KIAA1755: variants seen among roughly 807,000 people sequenced by gnomAD.
KIAA1755 encodes the protein KIAA1755.
KIAA1755 carries 68 observed loss-of-function variants against 91.7 expected under a neutral mutation model. The ratio of observed to expected loss-of-function variants is 0.74; its 90% CI spans 0.61 to 0.91. KIAA1755 has a LOEUF of 0.91. Ranked by LOEUF, KIAA1755 falls within the 40% of genes least tolerant of loss-of-function variation. The probability of loss-of-function intolerance (pLI) is 0.00; values close to 1 mark genes in which losing one functional copy is unlikely to be tolerated. For missense variants in KIAA1755, 1,535 were observed against 1,494.4 expected, an observed-to-expected ratio of 1.03 and a Z score of -0.45; for synonymous variants, 610 against 604.6, an observed-to-expected ratio of 1.01 and a Z score of -0.13.
rs1030922521 is a variant in KIAA1755, at chr20:38,210,808, G to C, written c.*2234C>G. The C allele has an allele frequency of 6.6e-6, 1 of 152,318 alleles. No individual in the cohort carries two copies. Among genetic ancestry groups the C allele is most frequent in the South Asian group, 2.1e-4 (1 of 4,828 alleles). 9.4% of individuals were successfully genotyped at this position (152,318 alleles called of 1,614,324 possible). A position where few individuals can be genotyped will look rare whatever the true frequency, so the allele number is the denominator to read the frequency against. The stretch of plus-strand genomic sequence containing the variant: ...TGGTACCCACTGGCTGGATGCTGTT[G>C]CTATGGCAACAGCATTTTAAAAGCC... On this transcript the variant is annotated 3_prime_UTR_variant, in exon 14 of 14. Transcript: ENST00000279024.
intron 1 of KIAA1755, among the ~76,000 whole-genome samples, chr20:38,250,488 G>A (rs1193934619): frequency 7.4e-6 from 1 of 135,944 alleles, no homozygotes; most frequent in Non-Finnish European, 1.6e-5. Context: ...TATTATTATG[G>A]TGTGTGTGTG....
At chr20:38,259,849 C>T (rs543259783) in intron 1 of KIAA1755, among the ~76,000 whole-genome samples, 2 of 151,764 alleles carry the variant, frequency 1.3e-5, no homozygotes, top group Admixed American at 1.3e-4. Flanking sequence ...CACACACACA[C>T]ACACATTCTC....
At chr20:38,237,593 TGTG>T (rs978360806) in intron 4 of KIAA1755, among the ~76,000 whole-genome samples, 1 of 150,670 alleles carries the variant, frequency 6.6e-6, no homozygotes, top group Non-Finnish European at 1.5e-5. Context: ...GGGGAAGGGA[TGTG>T]GTGGAGAGTG....
Position 38,240,738 on chromosome 20 carries a change from C to A in KIAA1755, c.1393G>T (p.Glu465Ter), listed in dbSNP as rs770361968. ...AATTTGAGCCCAGGAGTGGGGGGCTCAGGGGAGGAGGTGTTTCTGCTAGGG... is the reference window on the plus strand; with the variant it reads ...AATTTGAGCCCAGGAGTGGGGGGCTAAGGGGAGGAGGTGTTTCTGCTAGGG... ...PCPSRNTSSP[E>*]PPTPGLKFSF... The change falls in exon 3 of 14, where the codon GAG (glutamate) becomes TAG (stop). Residue 465 changes from glutamate to a stop codon, truncating the protein, a stop_gained. Transcript: ENST00000279024. LOFTEE classifies it high-confidence loss of function. The A allele has an allele frequency of 1.3e-6, 2 of 1,576,352 alleles. No individual in the cohort carries two copies. The highest frequency in any genetic ancestry group is 2.4e-5 in the South Asian group (2 of 84,298).
At chr20:38,258,273 T>C (rs980000694) in intron 1 of KIAA1755, among the ~76,000 whole-genome samples, 2 of 152,252 alleles carry the variant, frequency 1.3e-5, no homozygotes, top group Non-Finnish European at 2.9e-5. Context: ...TATTTAAATA[T>C]ATTTTTCAGT....
chr20:38,241,019 C>A lies in KIAA1755; in HGVS notation c.1112G>T (p.Gly371Val), dbSNP rs1001551954. 9.3e-6 allele frequency: 15 copies of A among 1,614,136 alleles called. No individual in the cohort carries two copies. The highest frequency in any genetic ancestry group is 1.3e-5 in the African/African-American group (1 of 75,046). Residue 371 changes from glycine to valine, a missense_variant, in exon 3 of 14, where the codon GGC becomes GTC. By Grantham distance (109) the Gly-to-Val change is moderately radical (BLOSUM62 -3). Coordinates refer to ENST00000279024, the MANE Select transcript of KIAA1755 (RefSeq NM_001029864.2). The stretch of plus-strand genomic sequence containing the variant: ...GTCCTCAAGGACATTCATGTAGGAG[C>A]CTTGGGGCGGCCTTTCTGAGTTGTG... ...PTHNSERPPQ[G>V]SYMNVLEDAL...
At chr20:38,215,535 C>T (rs974022366) in intron 13 of KIAA1755, among the ~76,000 whole-genome samples, 1 of 152,202 alleles carries the variant, frequency 6.6e-6, no homozygotes, top group African/African-American at 2.4e-5. Flanking sequence ...CCAGAAGCGA[C>T]AAAACAGGGT....
chr20:38,238,028 A>C (rs2075990011), intron 4 of KIAA1755, among the ~76,000 whole-genome samples: 1 of 152,086 alleles, frequency 6.6e-6, no homozygotes, highest in African/African-American at 2.4e-5. Flanking sequence ...CTGAGGGAAG[A>C]GTGACAGTGA....
chr20:38,228,255 C>T lies in KIAA1755; in HGVS notation c.1872-15G>A. ...TATCTTCAGGCCTGTGGGTGGTAAA[C>T]AGAATTGACAGTCTTGCTGGATGGC... On this transcript the variant is annotated splice_polypyrimidine_tract_variant and intron_variant, in intron 5 of 13. Transcript: ENST00000279024. 1 of 1,580,236 alleles carries T rather than the reference C, an allele frequency of 6.3e-7. No individual in the cohort carries two copies. The highest frequency in any genetic ancestry group is 1.2e-5 in the South Asian group (1 of 85,228).
intron 4 of KIAA1755, among the ~76,000 whole-genome samples, chr20:38,236,624 C>T (rs2075965090): frequency 6.6e-6 from 1 of 152,114 alleles, no homozygotes; most frequent in East Asian, 1.9e-4. Context: ...AGGAAGTGGC[C>T]ATCCATGCCA....
intron 11 of KIAA1755, 113 bp downstream of exon 11, chr20:38,219,517 G>C: frequency 7.1e-7 from 1 of 1,408,406 alleles, no homozygotes; most frequent in South Asian, 1.3e-5. Context: ...CGCCAGCTTG[G>C]TGTCCTTTCT....
intron 1 of KIAA1755, among the ~76,000 whole-genome samples, chr20:38,248,086 C>T (rs1205442): frequency 9.2e-5 from 14 of 151,944 alleles, no homozygotes; most frequent in South Asian, 4.1e-4. Flanking sequence ...AAAAGTAGCC[C>T]GGTGTGGTGA....
chr20:38,242,043 G>A, intron 2 of KIAA1755, 114 bp from the exon 3 acceptor site: 3 of 1,096,736 alleles, frequency 2.7e-6, no homozygotes, highest in Non-Finnish European at 3.9e-6. Context: ...ACTAGGATGA[G>A]GCAGCATTTA....
intron 4 of KIAA1755, among the ~76,000 whole-genome samples, chr20:38,238,945 C>A (rs2076005322): frequency 6.6e-6 from 1 of 152,216 alleles, no homozygotes; most frequent in African/African-American, 2.4e-5. Flanking sequence ...CTGGGCTGAA[C>A]TGGATCACTG....
rs746417318 is a variant in KIAA1755 at position 38,239,660 on chromosome 20, C to T, written c.1615G>A (p.Ala539Thr). 1.2e-6 allele frequency: 2 copies of T among 1,607,814 alleles called. No homozygotes were observed. The highest frequency in any genetic ancestry group is 2.7e-5 in the African/African-American group (2 of 74,586). The change falls in exon 4 of 14, where the codon GCT becomes ACT. Residue 539 changes from alanine to threonine, a missense_variant. Ala to Thr is a moderately conservative substitution (Grantham distance 58). Coordinates refer to ENST00000279024, the MANE Select transcript of KIAA1755 (RefSeq NM_001029864.2). ...TAPSPLTEEK[A>T]ALPEASAGSP... is the part of the protein sequence containing the mutation. ...CCTGCAGAAGCTTCTGGCAAGGCAGCCTTTTCCTCAGTCAGTGGGCTGGGG... is the reference window on the plus strand; with the variant it reads ...CCTGCAGAAGCTTCTGGCAAGGCAGTCTTTTCCTCAGTCAGTGGGCTGGGG...
intron 1 of KIAA1755, among the ~76,000 whole-genome samples, chr20:38,257,719 C>A (rs970024773): frequency 2.0e-5 from 3 of 151,906 alleles, no homozygotes; most frequent in African/African-American, 7.3e-5. Flanking sequence ...CTCACGATGA[C>A]ACCAAGGACA....
chr20:38,217,521 G>A, intron 12 of KIAA1755, 47 bp from the exon 13 acceptor site: 2 of 1,443,896 alleles, frequency 1.4e-6, no homozygotes, highest in Non-Finnish European at 1.9e-6. Flanking sequence ...CACCTTGGCT[G>A]GGGCCTCCCT....
At chr20:38,252,758 G>A (rs964823669) in intron 1 of KIAA1755, among the ~76,000 whole-genome samples, 8 of 152,158 alleles carry the variant, frequency 5.3e-5, no homozygotes, top group African/African-American at 1.7e-4. Context: ...CCATTTAAGG[G>A]GCAGCCAGTA....
Position 38,251,663 on chromosome 20 carries a change from T to G in KIAA1755, c.4-5537A>C, listed in dbSNP as rs2076251584. Among the ~76,000 whole-genome samples the G allele has an allele frequency of 2.0e-5, 3 of 151,144 alleles. No individual in the cohort carries two copies. In the South Asian group the frequency reaches 6.3e-4, roughly 32 times the overall value. ...TCACTGCAACCTCCGCCTCCCGGGC[T>G]CAAGTGATTCTTCTGCTTCAGCCTC... On this transcript the variant is annotated intron_variant, in intron 1 of 13. Transcript: ENST00000279024.
Sources: allele counts gnomAD v4.1 joint callset (sites outside exome capture counted in the v4.1 genomes callset), GRCh38; gene constraint gnomAD v4.1.1; transcripts MANE v1.5; gene names NCBI Gene and HGNC (gene_info 2026-07-23, HGNC 2026-07-21).